GSDME: variants seen among roughly 807,000 people sequenced by gnomAD.
GSDME encodes gasdermin E.
Under a neutral mutation model 47.5 loss-of-function variants are expected in GSDME, and 44 were observed. That is an observed-to-expected ratio of 0.93 (90% CI 0.73 to 1.19). GSDME has a LOEUF of 1.19. Among genes scored for constraint, GSDME ranks in the 50% most tolerant of loss-of-function variants. The pLI is 0.00. For synonymous variants in GSDME, 258 were observed against 252.8 expected (o/e 1.02, Z -0.20); for missense variants, 663 against 604.2 (o/e 1.10, Z -1.02).
At chr7:24,752,141 G>A (rs1311604527) in intron 1 of GSDME, among the ~76,000 whole-genome samples, 1 of 152,312 alleles carries the variant, frequency 6.6e-6, no homozygotes, top group East Asian at 1.9e-4. Flanking sequence ...TGGAGGGATG[G>A]GGAAGACAGT....
At chr7:24,700,101 C>T (rs1437657240) in intron 9 of GSDME, among the ~76,000 whole-genome samples, 2 of 151,780 alleles carry the variant, frequency 1.3e-5, no homozygotes, top group Non-Finnish European at 2.9e-5. Context: ...AGAACTCAGC[C>T]TTATGTTACT....
intron 3 of GSDME, among the ~76,000 whole-genome samples, chr7:24,723,104 G>A (rs573365722): frequency 2.3e-4 from 35 of 152,304 alleles, no homozygotes; most frequent in Non-Finnish European, 4.4e-4. Flanking sequence ...CCAAGTCACT[G>A]GGATTCTGTT....
intron 6 of GSDME, among the ~76,000 whole-genome samples, chr7:24,709,463 T>C (rs1050998133): frequency 1.3e-5 from 2 of 152,200 alleles, no homozygotes; most frequent in African/African-American, 2.4e-5. Context: ...TACGGACATT[T>C]TTGCTACAAA....
intron 7 of GSDME, among the ~76,000 whole-genome samples, chr7:24,706,581 G>A (rs1046554461): frequency 1.3e-5 from 2 of 152,232 alleles, no homozygotes; most frequent in Admixed American, 1.3e-4. Flanking sequence ...CCTGGCCCAC[G>A]AGGGTTGGGG....
At chr7:24,775,772 G>A in the GSDME span, among the ~76,000 whole-genome samples, 3 of 149,762 alleles carry the variant, frequency 2.0e-5, no homozygotes, top group Non-Finnish European at 4.4e-5. Flanking sequence ...CTAGTTGGGA[G>A]GCTGAGGTGG....
the GSDME span, among the ~76,000 whole-genome samples, chr7:24,778,681 G>C: frequency 6.6e-6 from 1 of 152,296 alleles, no homozygotes; most frequent in East Asian, 1.9e-4. The surrounding 1 kb of genome is among the most constrained non-coding windows in gnomAD (Gnocchi z 5.6). Flanking sequence ...CCCATGGGCA[G>C]CCAGCAGGAA....
At position 24,725,408 on chromosome 7, in the gene GSDME, C is replaced by T. The variant is rs1169750830; in HGVS notation, c.405-6190G>A. ...ATTTTCAGGATGCTTTATAAGGGAGCCCTCAGCCAGGTGTAGGAGGACGAG... is the reference window on the plus strand; with the variant it reads ...ATTTTCAGGATGCTTTATAAGGGAGTCCTCAGCCAGGTGTAGGAGGACGAG... On this transcript the variant is annotated intron_variant, in intron 3 of 9. Coordinates refer to ENST00000645220, the MANE Select transcript of GSDME (RefSeq NM_001127453.2). This position sits in a 1 kb window ranked among gnomAD's most constrained non-coding sequence, Gnocchi z 5.1. Among the ~76,000 whole-genome samples, 1 of 152,130 alleles carries T rather than the reference C, an allele frequency of 6.6e-6. No individual in the cohort carries two copies. Among genetic ancestry groups the T allele is most frequent in the East Asian group, 1.9e-4 (1 of 5,194 alleles).
chr7:24,717,456 C>T (rs1789611600), intron 4 of GSDME, 82 bp from the exon 5 acceptor site: 2 of 1,598,670 alleles, frequency 1.3e-6, no homozygotes, highest in Non-Finnish European at 1.7e-6. Context: ...AGCCTCGTGC[C>T]TTATACATAA....
At chr7:24,700,023 A>C (rs1253653910) in intron 9 of GSDME, among the ~76,000 whole-genome samples, 1 of 152,070 alleles carries the variant, frequency 6.6e-6, no homozygotes, top group Non-Finnish European at 1.5e-5. Context: ...CTCATCACTC[A>C]GTTGTCAGCT....
In GSDME at chr7:24,705,902, T is replaced by C; in HGVS notation, c.1183+282A>G. The C allele has an allele frequency of 2.0e-6, 1 of 502,054 alleles. No individual in the cohort carries two copies. Among genetic ancestry groups the C allele is most frequent in the South Asian group, 2.1e-5 (1 of 48,698 alleles). 31.1% of individuals were successfully genotyped at this position (502,054 alleles called of 1,614,324 possible). A position where few individuals can be genotyped will look rare whatever the true frequency, so the allele number is the denominator to read the frequency against. On this transcript the variant is annotated intron_variant, in intron 8 of 9. Transcript: ENST00000645220. This position sits in a 1 kb window ranked among gnomAD's most constrained non-coding sequence, Gnocchi z 4.1. ...AGCCTGTCAGGGAGATGCTTGCTTT[T>C]GTAGGCAAAGGGGCACCCACTGTGG...
At chr7:24,794,653 C>T in the GSDME span, among the ~76,000 whole-genome samples, 1 of 152,154 alleles carries the variant, frequency 6.6e-6, no homozygotes, top group Admixed American at 6.5e-5. Flanking sequence ...TCACACAGAG[C>T]CTTAAACTTT....
chr7:24,708,061 C>G, intron 7 of GSDME, 66 bp downstream of exon 7: 1 of 1,601,810 alleles, frequency 6.2e-7, no homozygotes, highest in Non-Finnish European at 8.6e-7. Flanking sequence ...ACAATTCCAT[C>G]CTGCCTCCTC....
upstream of GSDME, among the ~76,000 whole-genome samples, chr7:24,759,896 T>C (rs761284502): frequency 6.6e-6 from 1 of 152,224 alleles, no homozygotes; most frequent in Non-Finnish European, 1.5e-5. Context: ...ATTGTGCTTA[T>C]TATTATTGTT....
intron 5 of GSDME, 128 bp downstream of exon 5, chr7:24,717,126 C>A (rs1584066917): frequency 9.2e-7 from 1 of 1,083,230 alleles, no homozygotes; most frequent in Non-Finnish European, 1.4e-6. Context: ...AATCTACGCT[C>A]TTCAGACCTC....
At chr7:24,729,098 G>A (rs1275920287) in intron 3 of GSDME, among the ~76,000 whole-genome samples, 3 of 152,186 alleles carry the variant, frequency 2.0e-5, no homozygotes, top group Non-Finnish European at 4.4e-5. Context: ...CTGAGAACCT[G>A]TAGATGTTCA....
rs575811961 is a variant in GSDME at position 24,726,308 on chromosome 7, T to G, written c.405-7090A>C. ...CAATATCCAAAAGGAGGGAAGCAGG[T>G]TTCTTTACCAAAGCATAAAGGAGGT... On this transcript the variant is annotated intron_variant, in intron 3 of 9. Coordinates refer to ENST00000645220, the MANE Select transcript of GSDME (RefSeq NM_001127453.2). The surrounding 1 kb of genome is among the most constrained non-coding windows in gnomAD (Gnocchi z 5.6). Among the ~76,000 whole-genome samples, 1 of 152,232 alleles carries G rather than the reference T, an allele frequency of 6.6e-6. No individual in the cohort carries two copies. Among genetic ancestry groups the G allele is most frequent in the South Asian group, 2.1e-4 (1 of 4,824 alleles).
In GSDME at chr7:24,725,773, C is replaced by T. The variant is rs1211834435; in HGVS notation, c.405-6555G>A. On this transcript the variant is annotated intron_variant, in intron 3 of 9. Coordinates refer to ENST00000645220, the MANE Select transcript of GSDME (RefSeq NM_001127453.2). This position sits in a 1 kb window ranked among gnomAD's most constrained non-coding sequence, Gnocchi z 5.1. ...AACGACCAGGCCCAGGGTGTGACGC[C>T]GGGCTGTCTGCTTGTGGATTTCATT... Among the ~76,000 whole-genome samples the T allele has an allele frequency of 2.0e-5, 3 of 152,034 alleles. No homozygotes were observed. Among genetic ancestry groups the T allele is most frequent in the Admixed American group, 6.6e-5 (1 of 15,264 alleles).
At chr7:24,702,640 T>A (rs1180324531) in intron 9 of GSDME, 120 bp downstream of exon 9, 2 of 794,554 alleles carry the variant, frequency 2.5e-6, no homozygotes, top group Non-Finnish European at 4.5e-6. Context: ...ACTTACTTAA[T>A]GTGTCTTGAA....
rs1789927795 is a variant in GSDME, at chr7:24,725,272, C to T, written c.405-6054G>A. ...CAGTGAGATCTTGCATTAAATGACC[C>T]ACACTCTACCCAGCAGATGGCAGGG... On this transcript the variant is annotated intron_variant, in intron 3 of 9. Transcript: ENST00000645220. This position sits in a 1 kb window ranked among gnomAD's most constrained non-coding sequence, Gnocchi z 5.1. Among the ~76,000 whole-genome samples the T allele has an allele frequency of 6.6e-6, 1 of 152,138 alleles. No homozygotes were observed. The highest frequency in any genetic ancestry group is 1.5e-5 in the Non-Finnish European group (1 of 68,026).
Sources: gnomAD v4.1 joint callset for allele counts (sites outside exome capture counted in the v4.1 genomes callset) on GRCh38, gnomAD v4.1.1 for gene constraint, Gnocchi (gnomAD v3.1) non-coding constraint, MANE v1.5 for transcripts, NCBI Gene and HGNC (gene_info 2026-07-23, HGNC 2026-07-21) for gene names.